RNF130: variants seen among roughly 807,000 people sequenced by gnomAD.
RNF130 encodes the protein E3 ubiquitin-protein ligase RNF130.
Under a neutral mutation model 44.6 loss-of-function variants are expected in RNF130, and 21 were observed. The observed-to-expected ratio is 0.47, with a 90% confidence interval of 0.33 to 0.68. The LOEUF is 0.68. Ranked by LOEUF, RNF130 falls within the 30% of genes least tolerant of loss-of-function variation. The pLI, the probability that RNF130 is intolerant of heterozygous loss-of-function variation, is 0.02. For missense variants in RNF130, 479 were observed against 560.6 expected (o/e 0.85, Z 1.47); for synonymous variants, 214 against 210.4 (o/e 1.02, Z -0.15).
chr5:179,944,238 G>A (rs113228082), intron 7 of RNF130, among the ~76,000 whole-genome samples: 3,959 of 151,982 alleles, frequency 0.026, 179 homozygotes, highest in African/African-American at 0.091. Flanking sequence ...CAAAGTGTTG[G>A]GATTACAGGC....
intron 7 of RNF130, among the ~76,000 whole-genome samples, chr5:179,922,759 C>A (rs1255776134): frequency 6.6e-6 from 1 of 151,718 alleles, no homozygotes; most frequent in Admixed American, 6.6e-5. Context: ...CATGGTGAAA[C>A]CCCATCTCTA....
chr5:180,071,551 G>A lies in RNF130; in HGVS notation c.152C>T (p.Pro51Leu). ...VTVQEPGRGAPLTFRIDRGRY... is the reference protein window; with the variant it reads ...VTVQEPGRGALLTFRIDRGRY... The stretch of plus-strand genomic sequence containing the variant: ...CCCGCGGTCGATGCGAAACGTGAGC[G>A]GGGCGCCGCGGCCGGGCTCCTGCAC... The change falls in exon 1 of 9, where the codon CCG (proline) becomes CTG (leucine). Residue 51 changes from proline to leucine, a missense_variant. Physicochemically the swap from Pro to Leu is moderately conservative, Grantham distance 98. Around this residue, in one of 3 missense-constraint regions of RNF130, gnomAD observed 138 missense variants for 126.9 expected, o/e 1.09. Transcript: ENST00000521389. 2.8e-6 allele frequency: 4 copies of A among 1,420,550 alleles called. No individual in the cohort carries two copies. The highest frequency in any genetic ancestry group is 1.6e-5 in the South Asian group (1 of 62,722). The allele number at this position is 1,420,550 out of a possible 1,614,324, so 88.0% of individuals were successfully genotyped here.
At chr5:179,927,807 G>A (rs1421882401) in intron 7 of RNF130, among the ~76,000 whole-genome samples, 2 of 151,888 alleles carry the variant, frequency 1.3e-5, no homozygotes, top group African/African-American at 4.8e-5. Context: ...AGCCAGGATG[G>A]TCTCGATCTC....
At chr5:180,017,216 G>A (rs1158970964) in intron 2 of RNF130, among the ~76,000 whole-genome samples, 2 of 152,160 alleles carry the variant, frequency 1.3e-5, no homozygotes, top group Non-Finnish European at 2.9e-5. Flanking sequence ...GTTTCCTAAT[G>A]ATTAGATCTC....
intron 3 of RNF130, among the ~76,000 whole-genome samples, chr5:180,009,416 A>C (rs958062096): frequency 2.0e-5 from 3 of 152,250 alleles, no homozygotes; most frequent in Non-Finnish European, 4.4e-5. Context: ...AAAACAATCT[A>C]GGTAGAAAAT....
At chr5:180,011,991 G>A (rs1411771788) in intron 3 of RNF130, among the ~76,000 whole-genome samples, 1 of 152,160 alleles carries the variant, frequency 6.6e-6, no homozygotes, top group Non-Finnish European at 1.5e-5. Context: ...TGCAGTCAGT[G>A]TTTGGGTATT....
intron 2 of RNF130, among the ~76,000 whole-genome samples, chr5:180,025,522 G>A (rs190878070): frequency 7.4e-4 from 112 of 152,200 alleles, no homozygotes; most frequent in African/African-American, 2.6e-3. Context: ...AAAATTAAGA[G>A]CTTATGGAAG....
chr5:180,042,149 G>C (rs545416707), intron 1 of RNF130, among the ~76,000 whole-genome samples: 3 of 152,206 alleles, frequency 2.0e-5, no homozygotes, highest in African/African-American at 4.8e-5. Context: ...CCTAGCAAAA[G>C]AAACTAAATG....
At chr5:179,965,500 A>C (rs2113702336) in intron 7 of RNF130, among the ~76,000 whole-genome samples, 1 of 152,356 alleles carries the variant, frequency 6.6e-6, no homozygotes, top group South Asian at 2.1e-4. Context: ...ATAAAATGTA[A>C]TGGGATCAGT....
At chr5:180,068,375 G>A (rs1204087501) in intron 1 of RNF130, among the ~76,000 whole-genome samples, 3 of 152,200 alleles carry the variant, frequency 2.0e-5, no homozygotes, top group East Asian at 1.9e-4. Context: ...TCAAAACTCC[G>A]TTTCTAAACA....
intron 7 of RNF130, among the ~76,000 whole-genome samples, chr5:179,925,144 C>T (rs1050838412): frequency 1.3e-5 from 2 of 152,260 alleles, no homozygotes; most frequent in African/African-American, 2.4e-5. Flanking sequence ...TGGGTGAAGG[C>T]GGGCAGCCCC....
At chr5:180,022,628 C>T (rs1420780882) in intron 2 of RNF130, among the ~76,000 whole-genome samples, 6 of 152,186 alleles carry the variant, frequency 3.9e-5, no homozygotes, top group African/African-American at 1.4e-4. Flanking sequence ...GTACACGGAG[C>T]TCACGTGACT....
intron 1 of RNF130, among the ~76,000 whole-genome samples, chr5:180,048,223 T>A (rs945858268): frequency 1.3e-5 from 2 of 152,066 alleles, no homozygotes; most frequent in Non-Finnish European, 2.9e-5. Flanking sequence ...TCTGCCTTGA[T>A]GAGTTAATAG....
intron 1 of RNF130, among the ~76,000 whole-genome samples, chr5:180,044,113 CAT>C (rs1234287096): frequency 6.6e-6 from 1 of 152,150 alleles, no homozygotes; most frequent in East Asian, 1.9e-4. Flanking sequence ...TAAGTGAAGA[CAT>C]ATTATGGTGT....
chr5:180,038,956 C>T (rs1367449651), intron 2 of RNF130, among the ~76,000 whole-genome samples: 1 of 152,138 alleles, frequency 6.6e-6, no homozygotes, highest in East Asian at 1.9e-4. Flanking sequence ...AGTTTTTCTT[C>T]CCTCTGAGAC....
intron 7 of RNF130, among the ~76,000 whole-genome samples, chr5:179,932,220 T>G (rs1279984962): frequency 6.6e-6 from 1 of 151,986 alleles, no homozygotes; most frequent in African/African-American, 2.4e-5. Context: ...TTAAGTTCCA[T>G]GTGTTTAATC....
chr5:180,030,246 T>C (rs1034913699), intron 2 of RNF130, among the ~76,000 whole-genome samples: 1 of 152,202 alleles, frequency 6.6e-6, no homozygotes, highest in African/African-American at 2.4e-5. Context: ...ACCTCATAAA[T>C]ACTTGCTTTG....
chr5:179,989,103 G>A (rs926300761), intron 3 of RNF130, among the ~76,000 whole-genome samples: 1 of 152,200 alleles, frequency 6.6e-6, no homozygotes, highest in Non-Finnish European at 1.5e-5. Context: ...CATAGCAGAA[G>A]GCACCTCTTC....
intron 7 of RNF130, among the ~76,000 whole-genome samples, chr5:179,943,328 A>G (rs1041444995): frequency 5.9e-5 from 9 of 152,216 alleles, no homozygotes; most frequent in African/African-American, 2.2e-4. Context: ...TACAGACACA[A>G]AATCTCTTTG....
Sources: allele counts gnomAD v4.1 joint callset (sites outside exome capture counted in the v4.1 genomes callset), GRCh38; gene constraint gnomAD v4.1.1; regional missense constraint gnomAD v4.1.1; transcripts MANE v1.5; gene names NCBI Gene and HGNC (gene_info 2026-07-23, HGNC 2026-07-21).